NKAIN3: variants seen among roughly 807,000 people sequenced by gnomAD.
The protein encoded by NKAIN3 is sodium/potassium-transporting ATPase subunit beta-1-interacting protein 3.
NKAIN3 carries 25 observed loss-of-function variants against 30.2 expected under a neutral mutation model. The observed-to-expected ratio is 0.83, with a 90% CI of 0.60 to 1.16. NKAIN3 has a LOEUF of 1.16. Ranked by LOEUF, NKAIN3 falls within the 50% of genes most tolerant of loss-of-function variation. The pLI is 0.00. For synonymous variants in NKAIN3, 91 were observed against 89.6 expected (o/e 1.02, Z -0.09); for missense variants, 225 against 254.1 (o/e 0.89, Z 0.78).
chr8:62,668,325 TG>T (rs1394690301), intron 3 of NKAIN3, among the ~76,000 whole-genome samples: 1 of 152,232 alleles, frequency 6.6e-6, no homozygotes. Context: ...ATTAAATATT[TG>T]TTGAGAAATG....
intron 1 of NKAIN3, among the ~76,000 whole-genome samples, chr8:62,489,696 A>G (rs1195688147): frequency 5.9e-5 from 9 of 152,264 alleles, no homozygotes; most frequent in African/African-American, 2.2e-4. Flanking sequence ...GGAAATCAAT[A>G]ACCAAGTACT....
At chr8:62,995,563 A>T (rs1804092784) in intron 5 of NKAIN3, among the ~76,000 whole-genome samples, 1 of 152,192 alleles carries the variant, frequency 6.6e-6, no homozygotes, top group South Asian at 2.1e-4. Flanking sequence ...AAACTGATCT[A>T]TATCATAAAT....
intron 4 of NKAIN3, among the ~76,000 whole-genome samples, chr8:62,908,543 G>A (rs1056370412): frequency 6.6e-6 from 1 of 152,134 alleles, no homozygotes; most frequent in Non-Finnish European, 1.5e-5. Context: ...GGGACCCAGT[G>A]GGAGGTAGTT....
chr8:62,278,206 T>C (rs1229275648), intron 1 of NKAIN3, among the ~76,000 whole-genome samples: 1 of 152,122 alleles, frequency 6.6e-6, no homozygotes, highest in South Asian at 2.1e-4. Context: ...TCATGTAGAC[T>C]GAAGAGGCCT....
chr8:62,307,267 CA>C (rs10598782), intron 1 of NKAIN3, among the ~76,000 whole-genome samples: 5,073 of 107,824 alleles, frequency 0.047, 268 homozygotes, highest in African/African-American at 0.095. Context: ...TCTCTTCTAG[CA>C]AAAAAAAAAA....
intron 3 of NKAIN3, among the ~76,000 whole-genome samples, chr8:62,746,123 A>G (rs1816061316): frequency 1.3e-5 from 2 of 152,202 alleles, no homozygotes; most frequent in Admixed American, 1.3e-4. Flanking sequence ...GGCAGGGCCA[A>G]ACTCTCTCTG....
intron 1 of NKAIN3, among the ~76,000 whole-genome samples, chr8:62,334,814 A>G (rs916729304): frequency 3.3e-5 from 5 of 152,044 alleles, no homozygotes; most frequent in Admixed American, 6.6e-5. Context: ...GGTTTTGTTC[A>G]TAGCTAGAAG....
intron 4 of NKAIN3, among the ~76,000 whole-genome samples, chr8:62,763,208 C>T (rs571290639): frequency 4.8e-5 from 5 of 103,888 alleles, no homozygotes; most frequent in East Asian, 3.0e-4. Flanking sequence ...GCAACAAGTG[C>T]GAGACTCCGT....
intron 1 of NKAIN3, among the ~76,000 whole-genome samples, chr8:62,310,354 G>A (rs76146202): frequency 0.022 from 3,238 of 150,556 alleles, 390 homozygotes; most frequent in African/African-American, 0.075. Flanking sequence ...GTTTGGTTAG[G>A]AAGATAACTA....
chr8:62,379,159 C>T (rs1817189379), intron 1 of NKAIN3, among the ~76,000 whole-genome samples: 1 of 152,172 alleles, frequency 6.6e-6, no homozygotes, highest in Non-Finnish European at 1.5e-5. Flanking sequence ...TTACATGGGG[C>T]CTGTAGCCCC....
intron 6 of NKAIN3, among the ~76,000 whole-genome samples, chr8:62,955,742 C>T (rs1331054835): frequency 2.0e-5 from 3 of 152,176 alleles, no homozygotes; most frequent in Non-Finnish European, 4.4e-5. Context: ...CAAGTGACTT[C>T]CACTTATGTT....
intron 1 of NKAIN3, among the ~76,000 whole-genome samples, chr8:62,371,663 C>T (rs1027331174): frequency 4.0e-5 from 6 of 151,878 alleles, no homozygotes; most frequent in African/African-American, 1.4e-4. Flanking sequence ...AACTTGAATT[C>T]ATTCTTTATT....
At chr8:62,736,733 G>A (rs149727682) in intron 3 of NKAIN3, among the ~76,000 whole-genome samples, 424 of 152,186 alleles carry the variant, frequency 2.8e-3, no homozygotes, top group Middle Eastern at 0.01. Flanking sequence ...GGAAAACTTC[G>A]CATTCAGTCA....
At chr8:62,414,216 T>A (rs1804357431) in intron 1 of NKAIN3, among the ~76,000 whole-genome samples, 1 of 152,198 alleles carries the variant, frequency 6.6e-6, no homozygotes. Context: ...CATAGATTGC[T>A]TTATTTTAAG....
intron 1 of NKAIN3, among the ~76,000 whole-genome samples, chr8:62,531,090 G>A (rs561826577): frequency 6.6e-6 from 1 of 152,200 alleles, no homozygotes; most frequent in East Asian, 1.9e-4. Context: ...TTCCACAGAT[G>A]GTGTAGTTCA....
chr8:62,894,438 G>A (rs563797739), intron 4 of NKAIN3, among the ~76,000 whole-genome samples: 41 of 152,002 alleles, frequency 2.7e-4, no homozygotes, highest in Non-Finnish European at 5.4e-4. Flanking sequence ...CACTTGTTCG[G>A]TCTTTTGTTT....
intron 1 of NKAIN3, among the ~76,000 whole-genome samples, chr8:62,382,046 C>T (rs1284445352): frequency 2.6e-5 from 4 of 152,028 alleles, no homozygotes; most frequent in Non-Finnish European, 5.9e-5. Context: ...CCTTGAGCAA[C>T]CCAGGGATTA....
In NKAIN3 at chr8:62,983,052, G is replaced by T. The variant is rs1283122905; in HGVS notation, c.*17645G>T. On this transcript the variant is annotated 3_prime_UTR_variant, in exon 7 of 7. Transcript: ENST00000623646. ...TACTGACTTGGAAGTTTCACTGCAG[G>T]TAGCTACCATACCAGCATTTGGTAA... 1.3e-5 allele frequency: 2 copies of T among 152,108 alleles called. No homozygotes were observed. Among genetic ancestry groups the T allele is most frequent in the Admixed American group, 1.3e-4 (2 of 15,270 alleles). 9.4% of individuals were successfully genotyped at this position (152,108 alleles called of 1,614,324 possible). A position where few individuals can be genotyped will look rare whatever the true frequency, so the allele number is the denominator to read the frequency against.
In NKAIN3 at chr8:62,672,971, A is replaced by G. The variant is rs936257057; in HGVS notation, c.274-73961A>G. Reference sequence around the variant, plus strand: ...TACCTGTTGGGTATCTACTATAGCCAACTGGTTTACTGGTCATAACACATG... The same window carrying G: ...TACCTGTTGGGTATCTACTATAGCCGACTGGTTTACTGGTCATAACACATG... On this transcript the variant is annotated intron_variant, in intron 3 of 6. Coordinates refer to ENST00000623646, the MANE Select transcript of NKAIN3 (RefSeq NM_001304533.3). Among the ~76,000 whole-genome samples, 8 of 152,228 alleles carry G rather than the reference A, an allele frequency of 5.3e-5. No homozygotes were observed. In the East Asian group the frequency reaches 1.5e-3, roughly 29 times the overall value.
Sources: gnomAD v4.1 joint callset for allele counts (sites outside exome capture counted in the v4.1 genomes callset) on GRCh38, gnomAD v4.1.1 for gene constraint, MANE v1.5 for transcripts, NCBI Gene and HGNC (gene_info 2026-07-23, HGNC 2026-07-21) for gene names.